SLC67A1: variants seen among roughly 807,000 people sequenced by gnomAD.
SLC67A1 encodes solute carrier family 67 member 1.
the SLC67A1 span, chr11:2,916,684 C>A: frequency 6.2e-7 from 1 of 1,613,070 alleles, no homozygotes; most frequent in Non-Finnish European, 8.5e-7. Context: ...CTCAGCTTCA[C>A]CTGCATCCCC....
At chr11:2,909,473 G>C in the SLC67A1 span, 1 of 1,433,048 alleles carries the variant, frequency 7.0e-7, no homozygotes, top group Non-Finnish European at 9.2e-7. Flanking sequence ...AGGGCTGGAC[G>C]GGGGTGGGGG....
At chr11:2,900,284 G>A in the SLC67A1 span, among the ~76,000 whole-genome samples, 410 of 152,300 alleles carry the variant, frequency 2.7e-3, 1 homozygote, top group African/African-American at 9.6e-3. Context: ...CACTGCACCC[G>A]TGGGCTTGCT....
At chr11:2,906,878 G>T in the SLC67A1 span, among the ~76,000 whole-genome samples, 5 of 117,730 alleles carry the variant, frequency 4.2e-5, no homozygotes, top group East Asian at 1.9e-3. Context: ...AAAACAAAAA[G>T]AGAGAAAAGA....
chr11:2,902,106 G>A, the SLC67A1 span: 6 of 152,256 alleles, frequency 3.9e-5, no homozygotes, highest in East Asian at 1.2e-3. Flanking sequence ...GCCCGCTGGT[G>A]GGCGGGGCAG....
chr11:2,922,224 G>A, the SLC67A1 span: 5 of 1,603,200 alleles, frequency 3.1e-6, no homozygotes, highest in Non-Finnish European at 4.3e-6. Flanking sequence ...CCCGCTTTGG[G>A]CCCACTCACC....
the SLC67A1 span, chr11:2,909,512 C>T: frequency 6.3e-6 from 4 of 635,162 alleles, no homozygotes; most frequent in African/African-American, 4.4e-5. Context: ...TGTGGAGGGG[C>T]GGGTCAGGGG....
the SLC67A1 span, among the ~76,000 whole-genome samples, chr11:2,915,549 T>A: frequency 3.3e-5 from 5 of 152,176 alleles, no homozygotes; most frequent in African/African-American, 1.2e-4. Flanking sequence ...ATCACTGCGG[T>A]CTCCGCGCAG....
the SLC67A1 span, among the ~76,000 whole-genome samples, chr11:2,912,439 G>A: frequency 2.0e-5 from 3 of 152,386 alleles, no homozygotes; most frequent in East Asian, 5.8e-4. Context: ...GTCTGGTGCA[G>A]CTGTGAACAT....
chr11:2,903,581 T>A, the SLC67A1 span: 7 of 1,459,994 alleles, frequency 4.8e-6, no homozygotes, highest in Non-Finnish European at 5.7e-6. Flanking sequence ...AGAGTGGGGG[T>A]GGGGGTTTCA....
At chr11:2,912,330 C>A in the SLC67A1 span, among the ~76,000 whole-genome samples, 395 of 152,368 alleles carry the variant, frequency 2.6e-3, 3 homozygotes, top group Middle Eastern at 0.024. Context: ...GGCTCCAAAG[C>A]CTGGTGCCCC....
chr11:2,921,094 G>A, the SLC67A1 span: 14,067 of 151,376 alleles, frequency 0.093, 837 homozygotes, highest in Non-Finnish European at 0.14. Flanking sequence ...AGCCGGGCCT[G>A]GTGGCAGGCA....
At chr11:2,918,117 A>T in the SLC67A1 span, 13 of 1,588,994 alleles carry the variant, frequency 8.2e-6, no homozygotes, top group Admixed American at 1.7e-5. Flanking sequence ...CTACTGCCCC[A>T]ACAGCGGCCA....
chr11:2,911,069 C>G, the SLC67A1 span, among the ~76,000 whole-genome samples: 5 of 152,224 alleles, frequency 3.3e-5, no homozygotes, highest in East Asian at 3.9e-4. Context: ...GTGCCTCTAC[C>G]GCTGGTGGCC....
the SLC67A1 span, chr11:2,922,287 C>G: frequency 6.6e-7 from 1 of 1,507,710 alleles, no homozygotes; most frequent in South Asian, 1.1e-5. Context: ...TGCTTAAGCC[C>G]TTGGGGACTC....
the SLC67A1 span, among the ~76,000 whole-genome samples, chr11:2,905,174 G>T: frequency 3.3e-5 from 5 of 152,302 alleles, no homozygotes; most frequent in East Asian, 9.7e-4. Context: ...GAGGCTCTGG[G>T]GCCCTGCAGC....
the SLC67A1 span, chr11:2,903,078 C>T: frequency 1.4e-5 from 9 of 632,560 alleles, no homozygotes; most frequent in East Asian, 2.8e-4. Flanking sequence ...TGTCTCCCCT[C>T]CCCGGGAGGC....
At chr11:2,913,647 G>A in the SLC67A1 span, among the ~76,000 whole-genome samples, 2 of 152,224 alleles carry the variant, frequency 1.3e-5, no homozygotes, top group African/African-American at 4.8e-5. Context: ...GCCCTGGGCT[G>A]GACATCCAGG....
the SLC67A1 span, chr11:2,921,812 G>C: frequency 2.6e-6 from 1 of 390,572 alleles, no homozygotes; most frequent in East Asian, 4.2e-5. Flanking sequence ...CTGCGGCCGA[G>C]CCTGTCCCAC....
At chr11:2,908,916 C>T in the SLC67A1 span, among the ~76,000 whole-genome samples, 2 of 152,230 alleles carry the variant, frequency 1.3e-5, no homozygotes, top group African/African-American at 4.8e-5. Flanking sequence ...ACCCTTTGGT[C>T]CCCTGGGATT....
Sources: gnomAD v4.1 joint callset for allele counts (sites outside exome capture counted in the v4.1 genomes callset) on GRCh38, gnomAD v4.1.1 for gene constraint, MANE v1.5 for transcripts, NCBI Gene and HGNC (gene_info 2026-07-23, HGNC 2026-07-21) for gene names.